The following MAPKBP1 variants were observed in gnomAD, a reference collection of about 807,000 sequenced individuals.
MAPKBP1 encodes mitogen-activated protein kinase binding protein 1.
A neutral mutation model predicts 170.5 loss-of-function variants in MAPKBP1; 71 were observed. That is an observed-to-expected ratio of 0.42 (90% CI 0.34 to 0.51). MAPKBP1 has a LOEUF of 0.51. Among genes scored for constraint, MAPKBP1 ranks in the 20% least tolerant of loss-of-function variants. MAPKBP1 has a pLI of 0.06. For missense variants in MAPKBP1, 1,598 were observed against 1,933.0 expected (o/e 0.83, Z 3.25); for synonymous variants, 719 against 757.9 (o/e 0.95, Z 0.84).
chr15:41,798,545 A>G (rs1314626784), intron 2 of MAPKBP1, among the ~76,000 whole-genome samples: 1 of 152,052 alleles, frequency 6.6e-6, no homozygotes, highest in Non-Finnish European at 1.5e-5. Flanking sequence ...GGCCTCCCAA[A>G]GTGCTGGGAT....
intron 3 of MAPKBP1, among the ~76,000 whole-genome samples, chr15:41,807,985 G>T (rs1202749623): frequency 6.6e-6 from 1 of 150,738 alleles, no homozygotes; most frequent in Non-Finnish European, 1.5e-5. Flanking sequence ...GTTGCAGTGA[G>T]CCGAGATCAC....
rs1429450362 is a variant in MAPKBP1 at position 41,823,038 on chromosome 15, C to T, written c.3414C>T (p.Pro1138=). The change falls in exon 28 of 31, where the codon CCC becomes CCT. Residue 1138 remains proline (P), a synonymous_variant. Coordinates refer to ENST00000457542, the MANE Select transcript of MAPKBP1 (RefSeq NM_014994.3). ...AGCCGAGAGGCAATGGTGCCAATCC[C>T]CCTGGAGCACCCCCGGAGGTGGAAC... ...GEQPRGNGAN[P]PGAPPEVEPS... is the part of the protein sequence containing the mutation. 1 of 1,613,858 alleles carries T rather than the reference C, an allele frequency of 6.2e-7. No individual in the cohort carries two copies. Among genetic ancestry groups the T allele is most frequent in the African/African-American group, 1.3e-5 (1 of 74,914 alleles).
In MAPKBP1 at chr15:41,812,902, G is replaced by A. The variant is rs111398386; in HGVS notation, c.637-17G>A. On this transcript the variant is annotated splice_polypyrimidine_tract_variant and intron_variant, in intron 7 of 30. Transcript: ENST00000457542. ...CTCTGGGGTGGATGGGGGTGTAACA[G>A]TGGTGTGCCTCCACAGGTGAATGCC... The A allele has an allele frequency of 5.4e-5, 86 of 1,584,484 alleles. 2 individuals are homozygous for A. In the African/African-American group the frequency reaches 7.1e-4, roughly 13 times the overall value.
chr15:41,813,302 C>A (rs1390361480), intron 8 of MAPKBP1: 7 of 1,528,644 alleles, frequency 4.6e-6, no homozygotes, highest in Non-Finnish European at 5.4e-6. Flanking sequence ...CTTTCTGTCT[C>A]TTTCCCCTGC....
chr15:41,813,500 G>A, intron 8 of MAPKBP1, 121 bp from the exon 9 acceptor site: 2 of 1,451,914 alleles, frequency 1.4e-6, no homozygotes, highest in Non-Finnish European at 1.9e-6. Context: ...CAGCTGGGCG[G>A]CTTTTCCCTT....
intron 2 of MAPKBP1, among the ~76,000 whole-genome samples, chr15:41,789,465 C>G (rs1004287863): frequency 6.6e-6 from 1 of 152,168 alleles, no homozygotes; most frequent in African/African-American, 2.4e-5. Context: ...GTGCTGATGA[C>G]TGTACTATTA....
intron 1 of MAPKBP1, 77 bp from the exon 2 acceptor site, chr15:41,775,090 C>T: frequency 1.7e-6 from 1 of 600,012 alleles, no homozygotes; most frequent in Non-Finnish European, 3.0e-6. Flanking sequence ...GAGAGCAATA[C>T]CCAGAGGTAA....
intron 9 of MAPKBP1, among the ~76,000 whole-genome samples, chr15:41,814,241 A>G (rs1444394348): frequency 6.6e-6 from 1 of 152,184 alleles, no homozygotes; most frequent in Non-Finnish European, 1.5e-5. Flanking sequence ...TGTGGTTTGT[A>G]TGGTGATCTT....
At position 41,821,630 on chromosome 15, in the gene MAPKBP1, C is replaced by T; in HGVS notation, c.2765C>T (p.Pro922Leu). The stretch of plus-strand genomic sequence containing the variant: ...CAGGCTTCCCAACCTTGTTCCTATC[C>T]CCATATTATCCGATTATTGTCACAA... The part of the protein sequence containing the change: ...RPQASQPCSY[P>L]HIIRLLSQEE... The change falls in exon 24 of 31, where the codon CCC becomes CTC. Residue 922 changes from proline to leucine, a missense_variant. By Grantham distance (98) the Pro-to-Leu change is moderately conservative. Around this residue, in one of 6 missense-constraint regions of MAPKBP1, gnomAD observed 942 missense variants for 953.2 expected, o/e 0.99. Coordinates refer to ENST00000457542, the MANE Select transcript of MAPKBP1 (RefSeq NM_014994.3). The T allele has an allele frequency of 6.8e-6, 11 of 1,614,026 alleles. No homozygotes were observed. Among genetic ancestry groups the T allele is most frequent in the Non-Finnish European group, 8.5e-6 (10 of 1,179,976 alleles).
chr15:41,797,646 T>C (rs1567140849), intron 2 of MAPKBP1, among the ~76,000 whole-genome samples: 1 of 152,170 alleles, frequency 6.6e-6, no homozygotes, highest in Non-Finnish European at 1.5e-5. Context: ...CAAGAATGTA[T>C]AGAGAAGGCC....
intron 2 of MAPKBP1, among the ~76,000 whole-genome samples, chr15:41,788,455 A>G (rs1051514169): frequency 1.3e-5 from 2 of 152,232 alleles, no homozygotes; most frequent in Admixed American, 6.5e-5. Context: ...TAAGCAGTGC[A>G]TGCCATGTGA....
intron 9 of MAPKBP1, among the ~76,000 whole-genome samples, chr15:41,814,340 G>A (rs2064854381): frequency 6.6e-6 from 1 of 152,184 alleles, no homozygotes; most frequent in African/African-American, 2.4e-5. Flanking sequence ...GTTCTGTGAA[G>A]CTGTGTTCAT....
intron 1 of MAPKBP1, chr15:41,774,918 A>G (rs1457581275): frequency 8.6e-6 from 4 of 462,554 alleles, no homozygotes; most frequent in Non-Finnish European, 1.5e-5. Context: ...CACGAGACCA[A>G]CTGGGGCCCA....
At position 41,782,152 on chromosome 15, in the gene MAPKBP1, C is replaced by T. The variant is rs189596387; in HGVS notation, c.114+6763C>T. ...TGGCGGGCGCCTGTAGGCCCAGCTACTCGCGAGGCTGAGGCAGGAGAATGG... is the reference window on the plus strand; with the variant it reads ...TGGCGGGCGCCTGTAGGCCCAGCTATTCGCGAGGCTGAGGCAGGAGAATGG... On this transcript the variant is annotated intron_variant, in intron 2 of 30. Coordinates refer to ENST00000457542, the MANE Select transcript of MAPKBP1 (RefSeq NM_014994.3). Among the ~76,000 whole-genome samples, 296 of 149,098 alleles carry T rather than the reference C, an allele frequency of 2.0e-3. 2 individuals are homozygous for T. Among genetic ancestry groups the T allele is most frequent in the African/African-American group, 6.7e-3 (272 of 40,582 alleles).
chr15:41,794,403 A>T (rs1274040535), intron 2 of MAPKBP1, among the ~76,000 whole-genome samples: 1 of 152,212 alleles, frequency 6.6e-6, no homozygotes, highest in Non-Finnish European at 1.5e-5. Context: ...ATCTTCCACT[A>T]TATTTTTTCT....
intron 12 of MAPKBP1, among the ~76,000 whole-genome samples, chr15:41,816,095 A>G (rs558478572): frequency 1.3e-5 from 2 of 152,334 alleles, no homozygotes; most frequent in East Asian, 3.9e-4. Flanking sequence ...GCGTGAGAAA[A>G]CATCCGACAA....
At chr15:41,777,174 C>G (rs1348223225) in intron 2 of MAPKBP1, among the ~76,000 whole-genome samples, 1 of 152,042 alleles carries the variant, frequency 6.6e-6, no homozygotes, top group Non-Finnish European at 1.5e-5. Flanking sequence ...AACCTCATCT[C>G]TACTAAAAAT....
chr15:41,810,743 AAG>A, intron 3 of MAPKBP1, 138 bp from the exon 4 acceptor site: 2 of 615,934 alleles, frequency 3.2e-6, no homozygotes, highest in Non-Finnish European at 5.7e-6. Flanking sequence ...AAAAAAAGAA[AAG>A]GAAAAAAACA....
At chr15:41,809,761 C>T (rs527699639) in intron 3 of MAPKBP1, among the ~76,000 whole-genome samples, 28 of 152,362 alleles carry the variant, frequency 1.8e-4, no homozygotes, top group African/African-American at 6.5e-4. Context: ...CTTCCATCTC[C>T]GGAGCTGCCT....
Sources: gnomAD v4.1 joint callset for allele counts (sites outside exome capture counted in the v4.1 genomes callset) on GRCh38, gnomAD v4.1.1 for gene constraint, gnomAD v4.1.1 regional missense constraint, MANE v1.5 for transcripts, NCBI Gene and HGNC (gene_info 2026-07-23, HGNC 2026-07-21) for gene names.